IBTK: variants seen among roughly 807,000 people sequenced by gnomAD.
IBTK encodes the protein BTK-binding protein.
A neutral mutation model predicts 154.9 loss-of-function variants in IBTK; 83 were observed. The ratio of observed to expected loss-of-function variants is 0.54; its 90% CI spans 0.45 to 0.64. IBTK has a LOEUF of 0.64. Among genes scored for constraint, IBTK ranks in the 30% least tolerant of loss-of-function variants. The pLI is 0.00. For missense variants in IBTK, 1,332 were observed against 1,584.6 expected, an observed-to-expected ratio of 0.84 and a Z score of 2.71; for synonymous variants, 515 against 536.1, an observed-to-expected ratio of 0.96 and a Z score of 0.54.
chr6:82,183,730 T>A (rs780934306), intron 25 of IBTK, among the ~76,000 whole-genome samples: 5 of 152,192 alleles, frequency 3.3e-5, no homozygotes, highest in African/African-American at 4.8e-5. Flanking sequence ...CAGGATAGTA[T>A]AAGCTAGGTC....
chr6:82,178,207 T>C (rs992371322), intron 26 of IBTK, among the ~76,000 whole-genome samples: 2 of 152,228 alleles, frequency 1.3e-5, no homozygotes, highest in African/African-American at 2.4e-5. Context: ...GGATATATCA[T>C]ACTGTCATAA....
chr6:82,224,253 C>T lies in IBTK; in HGVS notation c.826-68G>A, dbSNP rs561915077. The T allele has an allele frequency of 7.4e-5, 80 of 1,078,104 alleles. 1 individual carries two copies. The African/African-American group carries it at 1.1e-3, about 14-fold the overall frequency. 66.8% of individuals were successfully genotyped at this position (1,078,104 alleles called of 1,614,324 possible). A position where few individuals can be genotyped will look rare whatever the true frequency, so the allele number is the denominator to read the frequency against. The stretch of plus-strand genomic sequence containing the variant: ...GACCTAGTACAATTTTTTAAAGATC[C>T]AGCAGACCAGCAAATATATGGTATA... On this transcript the variant is annotated intron_variant, in intron 6 of 28. Coordinates refer to ENST00000306270, the MANE Select transcript of IBTK (RefSeq NM_015525.4).
At chr6:82,240,926 A>G (rs1770922379) in intron 1 of IBTK, 83 bp from the exon 2 acceptor site, 2 of 399,716 alleles carry the variant, frequency 5.0e-6, no homozygotes, top group Non-Finnish European at 8.8e-6. Flanking sequence ...AACTACCTCC[A>G]TATTTAGATG....
chr6:82,205,795 G>C (rs1460294746), intron 16 of IBTK: 1 of 151,822 alleles, frequency 6.6e-6, no homozygotes, highest in Admixed American at 6.6e-5. Flanking sequence ...CAACTTTCTT[G>C]GTCCTCAGTA....
intron 8 of IBTK, among the ~76,000 whole-genome samples, chr6:82,221,662 C>T (rs1481034099): frequency 6.6e-6 from 1 of 152,012 alleles, no homozygotes; most frequent in East Asian, 1.9e-4. Flanking sequence ...TAATCTGTAA[C>T]AAAATAATTT....
At chr6:82,205,342 G>C (rs1769361290) in intron 16 of IBTK, 1 of 154,944 alleles carries the variant, frequency 6.5e-6, no homozygotes, top group Non-Finnish European at 1.4e-5. Context: ...TACAAAGAGG[G>C]AAAAGTCAAA....
intron 2 of IBTK, among the ~76,000 whole-genome samples, chr6:82,237,065 G>C (rs1226363449): frequency 2.6e-5 from 4 of 152,212 alleles, no homozygotes; most frequent in East Asian, 1.9e-4. Context: ...TGAGGATTTC[G>C]ATGGGGCAAT....
chr6:82,202,622 G>A lies in IBTK; in HGVS notation c.2635C>T (p.Leu879=). 1 of 1,596,466 alleles carries A rather than the reference G, an allele frequency of 6.3e-7. No homozygotes were observed. Among genetic ancestry groups the A allele is most frequent in the Non-Finnish European group, 8.5e-7 (1 of 1,171,784 alleles). Residue 879 remains leucine, a synonymous_variant, in exon 18 of 29, where the codon CTA becomes TTA. Transcript: ENST00000306270. The part of the protein sequence containing the change: ...EKLTLKNAAM[L]LEFAAMYSAK... Reference sequence around the variant, plus strand: ...CTATACATTGCTGCAAATTCCAGTAGCATAGCAGCATTCTTCAGGGTAACT... The same window carrying A: ...CTATACATTGCTGCAAATTCCAGTAACATAGCAGCATTCTTCAGGGTAACT...
At chr6:82,224,647 C>T (rs1485674037) in intron 6 of IBTK, among the ~76,000 whole-genome samples, 3 of 152,134 alleles carry the variant, frequency 2.0e-5, no homozygotes, top group African/African-American at 4.8e-5. Flanking sequence ...TGGCTGTGCA[C>T]ATGAGAGTAA....
At chr6:82,225,701 C>T (rs1301733419) in intron 5 of IBTK, 54 bp from the exon 6 acceptor site, 1 of 1,317,646 alleles carries the variant, frequency 7.6e-7, no homozygotes, top group Non-Finnish European at 1.1e-6. Context: ...TACAGATATG[C>T]AAATAGAATT....
Position 82,171,222 on chromosome 6 carries a change from A to T in IBTK, c.*203T>A. 2.8e-6 allele frequency: 1 copy of T among 359,902 alleles called. No homozygotes were observed. Among genetic ancestry groups the T allele is most frequent in the Non-Finnish European group, 4.9e-6 (1 of 202,154 alleles). The allele number at this position is 359,902 out of a possible 1,614,324, so 22.3% of individuals were successfully genotyped here. A position where few individuals can be genotyped will look rare whatever the true frequency, so the allele number is the denominator to read the frequency against. On this transcript the variant is annotated 3_prime_UTR_variant, in exon 29 of 29. Coordinates refer to ENST00000306270, the MANE Select transcript of IBTK (RefSeq NM_015525.4). ...AATAAGTTTTTGTCTCACACATTTT[A>T]TATAAAGTTACTAAAATCACAATTC...
intron 23 of IBTK, among the ~76,000 whole-genome samples, chr6:82,193,406 T>C (rs1215953571): frequency 2.1e-5 from 3 of 146,340 alleles, no homozygotes; most frequent in Non-Finnish European, 4.5e-5. Context: ...ATATTAAATA[T>C]TTACCAATTT....
In IBTK at chr6:82,191,072, C is replaced by T; in HGVS notation, c.3575+1G>A. 6.5e-7 allele frequency: 1 copy of T among 1,537,480 alleles called. No homozygotes were observed. The highest frequency in any genetic ancestry group is 2.4e-5 in the East Asian group (1 of 41,220). On this transcript the variant is annotated splice_donor_variant, in intron 25 of 28. Coordinates refer to ENST00000306270, the MANE Select transcript of IBTK (RefSeq NM_015525.4). LOFTEE classifies it high-confidence loss of function. The stretch of plus-strand genomic sequence containing the variant: ...TAATTTTAATAAAAATAAGAGCATA[C>T]CATGCATTCACTGGTTTGGGGGCTT...
At chr6:82,236,240 A>C (rs1462740687) in intron 2 of IBTK, among the ~76,000 whole-genome samples, 2 of 152,178 alleles carry the variant, frequency 1.3e-5, no homozygotes, top group East Asian at 3.8e-4. Flanking sequence ...ATAAAAACTT[A>C]AACAAAGAAG....
intron 23 of IBTK, 61 bp downstream of exon 23, chr6:82,194,418 T>G: frequency 6.5e-6 from 7 of 1,080,794 alleles, no homozygotes; most frequent in Non-Finnish European, 7.5e-6. Context: ...AAAATTAAAT[T>G]GCATTAAAAA....
chr6:82,197,871 C>T (rs142371882), intron 21 of IBTK, among the ~76,000 whole-genome samples: 2,022 of 152,266 alleles, frequency 0.013, 21 homozygotes, highest in Non-Finnish European at 0.021. Context: ...TAAGCTTTTA[C>T]GCAACTGTCT....
At chr6:82,173,154 A>T in intron 27 of IBTK, 1 of 378,708 alleles carries the variant, frequency 2.6e-6, no homozygotes. Flanking sequence ...GGCATGCGCC[A>T]CCATGCCCAG....
At chr6:82,211,821 T>C (rs921246834) in intron 13 of IBTK, among the ~76,000 whole-genome samples, 3 of 152,192 alleles carry the variant, frequency 2.0e-5, no homozygotes, top group African/African-American at 7.2e-5. Flanking sequence ...ATTTTCCTTT[T>C]TTTTATTCCA....
chr6:82,246,297 C>G (rs569538503), intron 1 of IBTK, among the ~76,000 whole-genome samples: 2 of 152,220 alleles, frequency 1.3e-5, no homozygotes, highest in South Asian at 4.1e-4. Flanking sequence ...TCCCGAGTAG[C>G]TGGGATTACA....
Sources: allele counts gnomAD v4.1 joint callset (sites outside exome capture counted in the v4.1 genomes callset), GRCh38; gene constraint gnomAD v4.1.1; transcripts MANE v1.5; gene names NCBI Gene and HGNC (gene_info 2026-07-23, HGNC 2026-07-21).